The following GATA6 variants were observed in gnomAD, a reference collection of about 807,000 sequenced individuals.
GATA6 encodes the protein transcription factor GATA-6.
GATA6 carries 11 observed loss-of-function variants against 48.1 expected under a neutral mutation model. The ratio of observed to expected loss-of-function variants is 0.23; its 90% CI spans 0.14 to 0.38. The LOEUF (loss-of-function observed/expected upper bound fraction) is 0.38, where lower values mean the gene tolerates loss of function less well. Ranked by LOEUF, GATA6 falls within the 10% of genes least tolerant of loss-of-function variation. The pLI is 1.00. For missense variants in GATA6, 795 were observed against 850.3 expected, an observed-to-expected ratio of 0.93 and a Z score of 0.81; for synonymous variants, 419 against 396.1, an observed-to-expected ratio of 1.06 and a Z score of -0.69.
At chr18:22,189,356 T>C (rs747338574) in intron 6 of GATA6, among the ~76,000 whole-genome samples, 8 of 152,220 alleles carry the variant, frequency 5.3e-5, no homozygotes, top group South Asian at 2.1e-4. Flanking sequence ...ATATATAATA[T>C]TTGCATCCTG....
chr18:22,196,986 CAA>C (rs1352179278), intron 6 of GATA6, among the ~76,000 whole-genome samples: 1 of 151,386 alleles, frequency 6.6e-6, no homozygotes, highest in Admixed American at 6.6e-5. Context: ...TTAACCTTAA[CAA>C]TAATAATTAG....
In GATA6 at chr18:22,172,180, A is replaced by T; in HGVS notation, c.1036A>T (p.Thr346Ser). 1 of 1,524,370 alleles carries T rather than the reference A, an allele frequency of 6.6e-7. No individual in the cohort carries two copies. The highest frequency in any genetic ancestry group is 1.4e-5 in the African/African-American group (1 of 72,108). The allele number at this position is 1,524,370 out of a possible 1,614,324, so 94.4% of individuals were successfully genotyped here. The stretch of plus-strand genomic sequence containing the variant: ...CTCGCCCTACGTGGGGGCGCCACTG[A>T]CGCCTGCCTGGCCCGCCGGACCCTT... ...PYSPYVGAPLTPAWPAGPFET... is the reference protein window; with the variant it reads ...PYSPYVGAPLSPAWPAGPFET... The change falls in exon 2 of 7, where the codon ACG (threonine) becomes TCG (serine). Residue 346 changes from threonine (T) to serine (S), a missense_variant. Around this residue, in one of 5 missense-constraint regions of GATA6, gnomAD observed 591 missense variants for 570.0 expected, o/e 1.04. Coordinates refer to ENST00000269216, the MANE Select transcript of GATA6 (RefSeq NM_005257.6). The surrounding 1 kb of genome is among the most constrained non-coding windows in gnomAD (Gnocchi z 5.2).
chr18:22,181,827 C>T (rs2033200131), intron 4 of GATA6, among the ~76,000 whole-genome samples: 1 of 152,096 alleles, frequency 6.6e-6, no homozygotes, highest in Non-Finnish European at 1.5e-5. Context: ...ACCAGTTGAA[C>T]TATTGCAAAC....
chr18:22,182,906 T>A, intron 5 of GATA6, 34 bp from the exon 6 acceptor site: 2 of 1,597,900 alleles, frequency 1.3e-6, no homozygotes, highest in Non-Finnish European at 1.7e-6. Flanking sequence ...GTAGAGCATA[T>A]GTATATTTAT....
chr18:22,200,323 T>C (rs545550573), intron 6 of GATA6, among the ~76,000 whole-genome samples: 84 of 152,344 alleles, frequency 5.5e-4, no homozygotes, highest in African/African-American at 1.9e-3. Flanking sequence ...TCTTAGAGCT[T>C]GGCACTTTTT....
intron 6 of GATA6, among the ~76,000 whole-genome samples, chr18:22,187,411 T>A (rs776195936): frequency 7.2e-5 from 11 of 152,078 alleles, no homozygotes; most frequent in Admixed American, 3.9e-4. Flanking sequence ...ACCTGGGAGT[T>A]GCAGGTTGCA....
chr18:22,187,429 G>A (rs1338849156), intron 6 of GATA6, among the ~76,000 whole-genome samples: 1 of 151,896 alleles, frequency 6.6e-6, no homozygotes, highest in Non-Finnish European at 1.5e-5. Flanking sequence ...GCAGTGAGCT[G>A]AGATTGCACC....
intron 3 of GATA6, among the ~76,000 whole-genome samples, chr18:22,181,012 G>A (rs2033188430): frequency 6.6e-6 from 1 of 152,122 alleles, no homozygotes; most frequent in Non-Finnish European, 1.5e-5. Flanking sequence ...CTTCTGGTGT[G>A]TTTTGAGTAT....
At chr18:22,176,454 A>C (rs953844997) in intron 2 of GATA6, 1 of 152,584 alleles carries the variant, frequency 6.6e-6, no homozygotes, top group African/African-American at 2.4e-5. Flanking sequence ...CAGATGTAGA[A>C]AATACTTTTT....
chr18:22,173,091 A>AT (rs2033077418), intron 2 of GATA6, among the ~76,000 whole-genome samples: 1 of 152,116 alleles, frequency 6.6e-6, no homozygotes, highest in Non-Finnish European at 1.5e-5. Flanking sequence ...AATTTGACTC[A>AT]TTTTTTCCTG....
intron 3 of GATA6, among the ~76,000 whole-genome samples, chr18:22,179,300 C>T (rs540296052): frequency 1.3e-4 from 20 of 152,300 alleles, no homozygotes; most frequent in African/African-American, 4.8e-4. Flanking sequence ...GTTTAGCCAG[C>T]ACTATAGAAC....
chr18:22,182,753 T>G lies in GATA6; in HGVS notation c.1429-4T>G, dbSNP rs2033214685. The G allele has an allele frequency of 6.2e-7, 1 of 1,611,066 alleles. No individual in the cohort carries two copies. The highest frequency in any genetic ancestry group is 1.7e-5 in the Admixed American group (1 of 59,762). ...AATTTATGGCCTATGTGAAAATTTT[T>G]TAGGTGCCCAGACCACTTGCTATGA... On this transcript the variant is annotated splice_region_variant and splice_polypyrimidine_tract_variant and intron_variant, in intron 4 of 6. Coordinates refer to ENST00000269216, the MANE Select transcript of GATA6 (RefSeq NM_005257.6).
chr18:22,196,667 G>A (rs2143335590), intron 6 of GATA6, among the ~76,000 whole-genome samples: 1 of 152,226 alleles, frequency 6.6e-6, no homozygotes, highest in South Asian at 2.1e-4. Flanking sequence ...CTTCAGCCCA[G>A]GAGGTGGAGG....
intron 6 of GATA6, among the ~76,000 whole-genome samples, chr18:22,194,302 G>A (rs1254074824): frequency 6.6e-6 from 1 of 152,230 alleles, no homozygotes; most frequent in Non-Finnish European, 1.5e-5. Flanking sequence ...TCTTTCAACA[G>A]GAAGTGCCTC....
chr18:22,191,370 C>T (rs375452457), intron 6 of GATA6, among the ~76,000 whole-genome samples: 1 of 149,574 alleles, frequency 6.7e-6, no homozygotes, highest in East Asian at 2.0e-4. Context: ...CACCCGCCCC[C>T]CCAACGCCTC....
At chr18:22,177,916 A>G (rs1017789203) in intron 3 of GATA6, among the ~76,000 whole-genome samples, 4 of 114,164 alleles carry the variant, frequency 3.5e-5, no homozygotes, top group Admixed American at 9.1e-5. Context: ...TAAGTTGAGC[A>G]TTTTCCCCAA....
chr18:22,171,986 G>C lies in GATA6; in HGVS notation c.842G>C (p.Gly281Ala), dbSNP rs2143277659. ...MANGAAREPG[G>A]YAAAGSGGAG... is the part of the protein sequence containing the mutation. ...AACGGCGCCGCGCGGGAGCCGGGAGGCTACGCGGCGGCGGGCAGTGGGGGC... is the reference window on the plus strand; with the variant it reads ...AACGGCGCCGCGCGGGAGCCGGGAGCCTACGCGGCGGCGGGCAGTGGGGGC... Residue 281 changes from glycine to alanine, a missense_variant, in exon 2 of 7, where the codon GGC becomes GCC. By Grantham distance (60) the Gly-to-Ala change is moderately conservative. Coordinates refer to ENST00000269216, the MANE Select transcript of GATA6 (RefSeq NM_005257.6). This position sits in a 1 kb window ranked among gnomAD's most constrained non-coding sequence, Gnocchi z 7.1. 1 of 1,223,444 alleles carries C rather than the reference G, an allele frequency of 8.2e-7. No individual in the cohort carries two copies. The allele number at this position is 1,223,444 out of a possible 1,614,324, so 75.8% of individuals were successfully genotyped here.
At chr18:22,184,993 T>C (rs1007805185) in intron 6 of GATA6, among the ~76,000 whole-genome samples, 3 of 152,168 alleles carry the variant, frequency 2.0e-5, no homozygotes, top group African/African-American at 4.8e-5. Context: ...GAATGATAAA[T>C]TGCACTGAGG....
chr18:22,179,732 T>A (rs1235410268), intron 3 of GATA6, among the ~76,000 whole-genome samples: 3 of 152,228 alleles, frequency 2.0e-5, no homozygotes, highest in Non-Finnish European at 2.9e-5. Context: ...TATGTTGTCA[T>A]CATTTTAGCA....
Sources: gnomAD v4.1 joint callset for allele counts (sites outside exome capture counted in the v4.1 genomes callset) on GRCh38, gnomAD v4.1.1 for gene constraint, gnomAD v4.1.1 regional missense constraint, Gnocchi (gnomAD v3.1) non-coding constraint, MANE v1.5 for transcripts, NCBI Gene and HGNC (gene_info 2026-07-23, HGNC 2026-07-21) for gene names.